The following PRR14 variants were observed in gnomAD, a reference collection of about 807,000 sequenced individuals.
PRR14 encodes the protein proline-rich protein 14.
In PRR14, 33 loss-of-function variants were observed where a neutral mutation model predicts 57.2. The observed-to-expected ratio is 0.58, with a 90% CI of 0.44 to 0.77. PRR14 has a LOEUF of 0.77. Ranked by LOEUF, PRR14 falls within the 30% of genes least tolerant of loss-of-function variation. The probability of loss-of-function intolerance (pLI) is 0.00; values close to 1 mark genes in which losing one functional copy is unlikely to be tolerated. For synonymous variants in PRR14, 303 were observed against 314.7 expected (o/e 0.96, Z 0.39); for missense variants, 716 against 788.1 (o/e 0.91, Z 1.10).
intron 3 of PRR14, 91 bp from the exon 4 acceptor site, chr16:30,652,626 ATGTT>A: frequency 7.0e-7 from 1 of 1,437,666 alleles, no homozygotes; most frequent in Non-Finnish European, 9.7e-7. Context: ...AATCTCTGTT[ATGTT>A]TGTGGCTCAG....
Position 30,654,769 on chromosome 16 carries a change from C to T in PRR14, c.799C>T (p.Pro267Ser). The change falls in exon 8 of 12, where the codon CCC becomes TCC. Residue 267 changes from proline to serine, a missense_variant. Transcript: ENST00000300835. ...LESFADIFLTPNKTPQPPPPS... is the reference protein window; with the variant it reads ...LESFADIFLTSNKTPQPPPPS... ...GAGCTTTGCTGACATCTTCCTCACG[C>T]CCAACAAAACCCCACAGCCCCCACC... 6.2e-7 allele frequency: 1 copy of T among 1,612,790 alleles called. No individual in the cohort carries two copies. Among genetic ancestry groups the T allele is most frequent in the Non-Finnish European group, 8.5e-7 (1 of 1,179,574 alleles).
chr16:30,655,397 G>T lies in PRR14; in HGVS notation c.1291G>T (p.Val431Leu), dbSNP rs751435687. Residue 431 changes from valine (V) to leucine (L), a missense_variant, in exon 9 of 12, where the codon GTG becomes TTG. Coordinates refer to ENST00000300835, the MANE Select transcript of PRR14 (RefSeq NM_024031.5). The surrounding 1 kb of genome is among the most constrained non-coding windows in gnomAD (Gnocchi z 4.6). ...GGAGCCAAGAGCCTCAAAGGACCAG[G>T]TGCTTTCAGAACCTGAGACCAAGGT... ...GKEPRASKDQ[V>L]LSEPETKTMG... 7.4e-6 allele frequency: 12 copies of T among 1,614,034 alleles called. No individual in the cohort carries two copies. The highest frequency in any genetic ancestry group is 8.5e-7 in the Non-Finnish European group (1 of 1,180,046).
chr16:30,656,297 C>A lies in PRR14; in HGVS notation c.1744C>A (p.Pro582Thr), dbSNP rs767843575. ...LEEETVDREQ[P>T]HWT ...GGAAGAAACAGTAGATCGGGAGCAG[C>A]CCCACTGGACCTAGGTGCCCCATCT... Residue 582 changes from proline (P) to threonine (T), a missense_variant, in exon 12 of 12, where the codon CCC becomes ACC. Pro to Thr is a conservative substitution (Grantham distance 38). Transcript: ENST00000300835. 5.4e-5 allele frequency: 87 copies of A among 1,611,602 alleles called. No individual in the cohort carries two copies. Among genetic ancestry groups the A allele is most frequent in the Non-Finnish European group, 6.8e-5 (80 of 1,179,726 alleles).
At position 30,656,327 on chromosome 16, in the gene PRR14, G is replaced by C; in HGVS notation, c.*16G>C. On this transcript the variant is annotated 3_prime_UTR_variant, in exon 12 of 12. Coordinates refer to ENST00000300835, the MANE Select transcript of PRR14 (RefSeq NM_024031.5). ...CTGGACCTAGGTGCCCCATCTGTTG[G>C]TCATCCATCCTGAAGGGACAGGAAA... The C allele has an allele frequency of 6.2e-7, 1 of 1,602,462 alleles. No homozygotes were observed. Among genetic ancestry groups the C allele is most frequent in the Admixed American group, 1.7e-5 (1 of 57,192 alleles).
Position 30,655,449 on chromosome 16 carries a change from T to C in PRR14, c.1314+29T>C. The stretch of plus-strand genomic sequence containing the variant: ...GGCATTCAGATCGGGTAGAAGAGAC[T>C]AGTGGGGGCCTGAGCCCATGTCACT... On this transcript the variant is annotated intron_variant, in intron 9 of 11. Transcript: ENST00000300835. This position sits in a 1 kb window ranked among gnomAD's most constrained non-coding sequence, Gnocchi z 4.6. 6.2e-7 allele frequency: 1 copy of C among 1,613,670 alleles called. No homozygotes were observed. Among genetic ancestry groups the C allele is most frequent in the South Asian group, 1.1e-5 (1 of 91,072 alleles).
In PRR14 at chr16:30,655,720, T is replaced by C. The variant is rs1051000593; in HGVS notation, c.1406+127T>C. On this transcript the variant is annotated intron_variant, in intron 10 of 11. Transcript: ENST00000300835. This position sits in a 1 kb window ranked among gnomAD's most constrained non-coding sequence, Gnocchi z 4.6. ...TGAAAGATTCAATTCGGTGTGGGGATGGTTTGTGCTCAAAATTGCCTGTCT... is the reference window on the plus strand; with the variant it reads ...TGAAAGATTCAATTCGGTGTGGGGACGGTTTGTGCTCAAAATTGCCTGTCT... 1 of 1,282,364 alleles carries C rather than the reference T, an allele frequency of 7.8e-7. No homozygotes were observed. The highest frequency in any genetic ancestry group is 1.5e-5 in the African/African-American group (1 of 68,184). 79.4% of individuals were successfully genotyped at this position (1,282,364 alleles called of 1,614,324 possible).
intron 6 of PRR14, among the ~76,000 whole-genome samples, chr16:30,653,730 G>T (rs1318540763): frequency 1.3e-5 from 2 of 152,096 alleles, no homozygotes; most frequent in East Asian, 3.9e-4. Context: ...GCAATGGTGC[G>T]ATCTCAGCTC....
chr16:30,653,855 C>T (rs1596604989), intron 6 of PRR14, among the ~76,000 whole-genome samples: 1 of 152,156 alleles, frequency 6.6e-6, no homozygotes, highest in African/African-American at 2.4e-5. Flanking sequence ...TTAGTAGAGA[C>T]GAGGTTTCAC....
rs2052315858 is a variant in PRR14 at position 30,651,810 on chromosome 16, C to T, written c.38C>T (p.Pro13Leu). Residue 13 changes from proline (P) to leucine (L), a missense_variant, in exon 3 of 12, where the codon CCG (proline) becomes CTG (leucine). By Grantham distance (98) the Pro-to-Leu change is moderately conservative. Transcript: ENST00000300835. The surrounding 1 kb of genome is among the most constrained non-coding windows in gnomAD (Gnocchi z 5.0). ...LPGDSSPPGQ[P>L]RLCRQPLTRA... is the part of the protein sequence containing the mutation. Reference sequence around the variant, plus strand: ...TCACCCTCCAGCCCGCCTGGCCAGCCGCGTCTGTGCCGCCAGCCTCTGACT... The same window carrying T: ...TCACCCTCCAGCCCGCCTGGCCAGCTGCGTCTGTGCCGCCAGCCTCTGACT... 3 of 1,606,258 alleles carry T rather than the reference C, an allele frequency of 1.9e-6. No individual in the cohort carries two copies. The highest frequency in any genetic ancestry group is 2.5e-6 in the Non-Finnish European group (3 of 1,179,806).
Position 30,651,988 on chromosome 16 carries a change from T to A in PRR14, c.192+24T>A. On this transcript the variant is annotated intron_variant, in intron 3 of 11. Transcript: ENST00000300835. This position sits in a 1 kb window ranked among gnomAD's most constrained non-coding sequence, Gnocchi z 5.0. ...TGGTGAGCCCCCTGAACCAAGAGAC[T>A]CTCTATTCCCCCATGACTTTCCTCA... 1 of 1,519,754 alleles carries A rather than the reference T, an allele frequency of 6.6e-7. No homozygotes were observed. The highest frequency in any genetic ancestry group is 8.8e-7 in the Non-Finnish European group (1 of 1,136,576). The allele number at this position is 1,519,754 out of a possible 1,614,324, so 94.1% of individuals were successfully genotyped here. A position where few individuals can be genotyped will look rare whatever the true frequency, so the allele number is the denominator to read the frequency against.
rs1440368506 is a variant in PRR14 at position 30,655,840 on chromosome 16, C to CT, written c.1407-27dup. The CT allele has an allele frequency of 1.9e-6, 3 of 1,613,194 alleles. No individual in the cohort carries two copies. In the African/African-American group the frequency reaches 4.0e-5, roughly 21 times the overall value. ...TTCAGGCCCCACTGGCCCAAGGTTT[C>CT]TCAGTGGCCTCTGCTCTTTGCTCAC... On this transcript the variant is annotated intron_variant, in intron 10 of 11. Coordinates refer to ENST00000300835, the MANE Select transcript of PRR14 (RefSeq NM_024031.5). The surrounding 1 kb of genome is among the most constrained non-coding windows in gnomAD (Gnocchi z 4.6).
chr16:30,652,414 C>A (rs1344712138), intron 3 of PRR14: 9 of 575,400 alleles, frequency 1.6e-5, no homozygotes, highest in Non-Finnish European at 2.9e-5. Flanking sequence ...AGGCTGAGGT[C>A]TTTGACTCCA....
At position 30,655,928 on chromosome 16, in the gene PRR14, C is replaced by T. The variant is rs753749310; in HGVS notation, c.1467C>T (p.Pro489=). The T allele has an allele frequency of 1.2e-6, 2 of 1,614,036 alleles. No individual in the cohort carries two copies. The highest frequency in any genetic ancestry group is 1.7e-6 in the Non-Finnish European group (2 of 1,179,908). Residue 489 remains proline (P), a synonymous_variant, in exon 11 of 12, where the codon CCC becomes CCT. Transcript: ENST00000300835. The surrounding 1 kb of genome is among the most constrained non-coding windows in gnomAD (Gnocchi z 4.6). ...EIYTNKNYQS[P]TTRRTFETIF... ...ACACCAACAAGAATTACCAATCACC[C>T]ACAACCAGGAGGTGAGACACTTGGA...
chr16:30,654,334 C>T lies in PRR14; in HGVS notation c.653C>T (p.Pro218Leu), dbSNP rs371076369. Residue 218 changes from proline (P) to leucine (L), a missense_variant, in exon 7 of 12, where the codon CCA becomes CTA. By Grantham distance (98) the Pro-to-Leu change is moderately conservative. Transcript: ENST00000300835. ...CCTGCAGACCCTCTGGAGAGCCCAC[C>T]AACAGGTAAGGACTTGGGTAGAGAT... is the stretch of plus-strand genomic sequence containing the variant. ...ALPADPLESP[P>L]TAPDPALELP... is the part of the protein sequence containing the mutation. 1 of 1,611,708 alleles carries T rather than the reference C, an allele frequency of 6.2e-7. No homozygotes were observed. Among genetic ancestry groups the T allele is most frequent in the African/African-American group, 1.3e-5 (1 of 74,960 alleles).
intron 5 of PRR14, 84 bp from the exon 6 acceptor site, chr16:30,653,281 C>T: frequency 1.3e-6 from 2 of 1,490,988 alleles, no homozygotes; most frequent in Non-Finnish European, 1.9e-6. Context: ...ACCCAAGCAG[C>T]TATCCGGGAA....
Position 30,656,047 on chromosome 16 carries a change from C to T in PRR14, c.1494C>T (p.Ile498=). Residue 498 remains isoleucine, a synonymous_variant, in exon 12 of 12, where the codon ATC becomes ATT. Coordinates refer to ENST00000300835, the MANE Select transcript of PRR14 (RefSeq NM_024031.5). The stretch of plus-strand genomic sequence containing the variant: ...CCTTGTTCAGGACCTTTGAGACCAT[C>T]TTTGAGGAACCCCGGGAGCGCAATG... ...SPTTRRTFET[I]FEEPRERNGT... is the part of the protein sequence containing the mutation. The T allele has an allele frequency of 6.4e-7, 1 of 1,557,840 alleles. No homozygotes were observed. Among genetic ancestry groups the T allele is most frequent in the East Asian group, 2.2e-5 (1 of 44,522 alleles).
Position 30,655,487 on chromosome 16 carries a change from G to C in PRR14, c.1315-15G>C. 4 of 1,614,012 alleles carry C rather than the reference G, an allele frequency of 2.5e-6. No individual in the cohort carries two copies. The highest frequency in any genetic ancestry group is 2.5e-6 in the Non-Finnish European group (3 of 1,179,866). ...AGCCCATGTCACTCTTTCACCCTCT[G>C]CCCCATTTTTGCAGACCATGGGAAA... On this transcript the variant is annotated splice_polypyrimidine_tract_variant and intron_variant, in intron 9 of 11. Coordinates refer to ENST00000300835, the MANE Select transcript of PRR14 (RefSeq NM_024031.5). The surrounding 1 kb of genome is among the most constrained non-coding windows in gnomAD (Gnocchi z 4.6).
rs774830797 is a variant in PRR14 at position 30,656,305 on chromosome 16, G to A, written c.1752G>A (p.Trp584Ter). ...EETVDREQPH[W>*]T Reference sequence around the variant, plus strand: ...CAGTAGATCGGGAGCAGCCCCACTGGACCTAGGTGCCCCATCTGTTGGTCA... The same window carrying A: ...CAGTAGATCGGGAGCAGCCCCACTGAACCTAGGTGCCCCATCTGTTGGTCA... Residue 584 changes from tryptophan (W) to a stop codon, truncating the protein, a stop_gained, in exon 12 of 12, where the codon TGG becomes TGA. Transcript: ENST00000300835. LOFTEE classifies it high-confidence loss of function. 2.7e-5 allele frequency: 44 copies of A among 1,610,674 alleles called. No individual in the cohort carries two copies. The highest frequency in any genetic ancestry group is 3.7e-5 in the Non-Finnish European group (44 of 1,179,522).
chr16:30,656,206 C>T lies in PRR14; in HGVS notation c.1653C>T (p.Ala551=). 6.2e-7 allele frequency: 1 copy of T among 1,613,168 alleles called. No homozygotes were observed. The highest frequency in any genetic ancestry group is 8.5e-7 in the Non-Finnish European group (1 of 1,179,776). The change falls in exon 12 of 12, where the codon GCC becomes GCT. Residue 551 remains alanine, a synonymous_variant. Transcript: ENST00000300835. ...AGGRTVPPNV[A]PSPDVGPLLQ... ...GCAGGACTGTTCCTCCCAATGTGGC[C>T]CCCAGCCCTGATGTGGGCCCCCTGC...
Sources: gnomAD v4.1 joint callset for allele counts (sites outside exome capture counted in the v4.1 genomes callset) on GRCh38, gnomAD v4.1.1 for gene constraint, Gnocchi (gnomAD v3.1) non-coding constraint, MANE v1.5 for transcripts, NCBI Gene and HGNC (gene_info 2026-07-23, HGNC 2026-07-21) for gene names.